GALNTL6: variants seen among roughly 807,000 people sequenced by gnomAD.
GALNTL6 encodes the protein polypeptide N-acetylgalactosaminyltransferase like 6, also known as polypeptide N-acetylgalactosaminyltransferase-like 6.
A neutral mutation model predicts 73.7 loss-of-function variants in GALNTL6; 46 were observed. The observed-to-expected ratio is 0.62, with a 90% CI of 0.49 to 0.80. GALNTL6 has a LOEUF of 0.80. Among genes scored for constraint, GALNTL6 ranks in the 30% least tolerant of loss-of-function variants. The probability of loss-of-function intolerance (pLI) is 0.00; values close to 1 mark genes in which losing one functional copy is unlikely to be tolerated. For synonymous variants in GALNTL6, 259 were observed against 263.7 expected, an observed-to-expected ratio of 0.98 and a Z score of 0.17; for missense variants, 604 against 755.0, an observed-to-expected ratio of 0.80 and a Z score of 2.34.
At chr4:172,615,716 A>G (rs17058674) in intron 5 of GALNTL6, among the ~76,000 whole-genome samples, 1 of 152,178 alleles carries the variant, frequency 6.6e-6, no homozygotes, top group Admixed American at 6.5e-5. Context: ...TAGAACTGAA[A>G]ATACAGTATA....
chr4:172,244,867 A>G (rs1737567926), intron 3 of GALNTL6, among the ~76,000 whole-genome samples: 1 of 152,162 alleles, frequency 6.6e-6, no homozygotes, highest in African/African-American at 2.4e-5. Flanking sequence ...TTTTCCTCTT[A>G]GTATTGTATT....
chr4:172,416,000 T>C (rs1160494361), intron 5 of GALNTL6, among the ~76,000 whole-genome samples: 1 of 152,182 alleles, frequency 6.6e-6, no homozygotes, highest in Non-Finnish European at 1.5e-5. Context: ...TCCTACTTTT[T>C]CTTTGAGGCA....
chr4:172,086,056 C>T (rs1324429847), intron 2 of GALNTL6, among the ~76,000 whole-genome samples: 2 of 152,010 alleles, frequency 1.3e-5, no homozygotes, highest in East Asian at 1.9e-4. Context: ...TTATATCAAC[C>T]AAAATTCTAT....
intron 7 of GALNTL6, among the ~76,000 whole-genome samples, chr4:172,817,829 G>T (rs959577008): frequency 6.6e-6 from 1 of 152,162 alleles, no homozygotes; most frequent in African/African-American, 2.4e-5. Flanking sequence ...AAAGATAGTC[G>T]TTTCTGTTAG....
At chr4:172,852,899 G>GA (rs773352948) in intron 7 of GALNTL6, among the ~76,000 whole-genome samples, 1 of 151,972 alleles carries the variant, frequency 6.6e-6, no homozygotes, top group Admixed American at 6.6e-5. Flanking sequence ...AAGAGCCAAG[G>GA]AAAAATCACA....
At chr4:171,856,144 C>G (rs1333972860) in intron 2 of GALNTL6, among the ~76,000 whole-genome samples, 2 of 152,004 alleles carry the variant, frequency 1.3e-5, no homozygotes, top group Non-Finnish European at 2.9e-5. Flanking sequence ...GCTCTATCAC[C>G]CAGGCTGGAG....
chr4:172,566,973 A>G (rs1368531816), intron 5 of GALNTL6, among the ~76,000 whole-genome samples: 1 of 151,850 alleles, frequency 6.6e-6, no homozygotes, highest in African/African-American at 2.4e-5. Context: ...TTCAATAACT[A>G]GTTTTTTGAA....
At chr4:172,487,332 T>TTC (rs1233608966) in intron 5 of GALNTL6, among the ~76,000 whole-genome samples, 1 of 138,296 alleles carries the variant, frequency 7.2e-6, no homozygotes, top group Non-Finnish European at 1.6e-5. Context: ...CTTTCTTTCT[T>TTC]TCTTTCTTTC....
At chr4:172,252,017 G>A (rs1737899328) in intron 3 of GALNTL6, among the ~76,000 whole-genome samples, 1 of 152,070 alleles carries the variant, frequency 6.6e-6, no homozygotes, top group Admixed American at 6.6e-5. Flanking sequence ...GGAAGATTAA[G>A]GGTAGAAATA....
intron 5 of GALNTL6, among the ~76,000 whole-genome samples, chr4:172,600,810 G>A (rs1738026789): frequency 6.6e-6 from 1 of 152,046 alleles, no homozygotes; most frequent in South Asian, 2.1e-4. Flanking sequence ...AGGTCAAGAT[G>A]ATCCTAAAGT....
intron 5 of GALNTL6, among the ~76,000 whole-genome samples, chr4:172,580,101 CA>C (rs1387407456): frequency 6.6e-6 from 1 of 152,142 alleles, no homozygotes; most frequent in Non-Finnish European, 1.5e-5. Flanking sequence ...GCTATTTAAA[CA>C]GATGCCTCAA....
At chr4:172,978,350 T>C (rs1399343903) in intron 10 of GALNTL6, among the ~76,000 whole-genome samples, 1 of 152,136 alleles carries the variant, frequency 6.6e-6, no homozygotes, top group Non-Finnish European at 1.5e-5. Context: ...CGTTAGACAC[T>C]AGTTGAGCTC....
At chr4:172,199,095 A>G (rs1175138400) in intron 2 of GALNTL6, among the ~76,000 whole-genome samples, 1 of 152,198 alleles carries the variant, frequency 6.6e-6, no homozygotes, top group Non-Finnish European at 1.5e-5. Context: ...CCTTGAGAGC[A>G]GACTGTGGTA....
At chr4:172,288,841 A>G (rs138487457) in intron 3 of GALNTL6, among the ~76,000 whole-genome samples, 1,565 of 152,306 alleles carry the variant, frequency 0.01, 24 homozygotes, top group Middle Eastern at 0.027. Context: ...GGTCATTCAA[A>G]CATGAATTGA....
intron 2 of GALNTL6, among the ~76,000 whole-genome samples, chr4:172,159,758 G>A (rs1262217866): frequency 2.6e-5 from 4 of 152,150 alleles, no homozygotes; most frequent in South Asian, 2.1e-4. Context: ...ATGCTGAAGG[G>A]TGGTAGGGAG....
At chr4:172,522,715 A>C (rs189772005) in intron 5 of GALNTL6, among the ~76,000 whole-genome samples, 32 of 137,098 alleles carry the variant, frequency 2.3e-4, no homozygotes, top group African/African-American at 7.4e-4. Context: ...CAATCTAATT[A>C]TGAGGATGAG....
In GALNTL6 at chr4:172,069,544, A is replaced by G. The variant is rs865887920; in HGVS notation, c.139-160112A>G. ...TATGTATAACACATATATTATATATAACACATATATGTTATATATAACACA... is the reference window on the plus strand; with the variant it reads ...TATGTATAACACATATATTATATATGACACATATATGTTATATATAACACA... On this transcript the variant is annotated intron_variant, in intron 2 of 12. Coordinates refer to ENST00000506823, the MANE Select transcript of GALNTL6 (RefSeq NM_001034845.3). 1.9e-4 allele frequency among the ~76,000 whole-genome samples: 10 copies of G among 51,932 alleles called. 1 individual carries two copies. The highest frequency in any genetic ancestry group is 3.0e-4 in the Non-Finnish European group (7 of 23,606). The allele number at this position is 51,932 out of a possible 152,430, so 34.1% of individuals were successfully genotyped here. A position where few individuals can be genotyped will look rare whatever the true frequency, so the allele number is the denominator to read the frequency against.
At chr4:172,846,625 TC>T (rs1743522129) in intron 7 of GALNTL6, among the ~76,000 whole-genome samples, 3 of 152,172 alleles carry the variant, frequency 2.0e-5, no homozygotes, top group Admixed American at 2.0e-4. Context: ...AATTAAGTTA[TC>T]ATGTGGAATT....
Position 172,940,852 on chromosome 4 carries a change from T to C in GALNTL6, c.1149+9584T>C, listed in dbSNP as rs142764890. The stretch of plus-strand genomic sequence containing the variant: ...CATGCCTGGCTAATTTTTGTATTTT[T>C]GGTAGAGACGGGGTCTCACTATGTT... On this transcript the variant is annotated intron_variant, in intron 9 of 12. Coordinates refer to ENST00000506823, the MANE Select transcript of GALNTL6 (RefSeq NM_001034845.3). 3.4e-3 allele frequency among the ~76,000 whole-genome samples: 522 copies of C among 152,206 alleles called. 2 individuals carry two copies. Among genetic ancestry groups the C allele is most frequent in the African/African-American group, 0.012 (498 of 41,522 alleles).
Sources: allele counts gnomAD v4.1 joint callset (sites outside exome capture counted in the v4.1 genomes callset), GRCh38; gene constraint gnomAD v4.1.1; transcripts MANE v1.5; gene names NCBI Gene and HGNC (gene_info 2026-07-23, HGNC 2026-07-21).